The following SGF29 variants were observed in gnomAD, a reference collection of about 807,000 sequenced individuals.
The protein encoded by SGF29 is SAGA-associated factor 29.
SGF29 carries 15 observed loss-of-function variants against 38.1 expected under a neutral mutation model. That is an observed-to-expected ratio of 0.39 (90% CI 0.26 to 0.61). The LOEUF is 0.61. Ranked by LOEUF, SGF29 falls within the 20% of genes least tolerant of loss-of-function variation. The pLI is 0.49. For missense variants in SGF29, 184 were observed against 394.6 expected, an observed-to-expected ratio of 0.47 and a Z score of 4.52; for synonymous variants, 151 against 160.8, an observed-to-expected ratio of 0.94 and a Z score of 0.46.
intron 4 of SGF29, among the ~76,000 whole-genome samples, chr16:28,587,457 G>T (rs1388701731): frequency 6.6e-6 from 1 of 152,140 alleles, no homozygotes; most frequent in Non-Finnish European, 1.5e-5. Flanking sequence ...CTGGGGTCCC[G>T]GTGCTCACAG....
chr16:28,556,433 C>T (rs112517029), intron 1 of SGF29, among the ~76,000 whole-genome samples: 6,629 of 152,032 alleles, frequency 0.044, 235 homozygotes, highest in Non-Finnish European at 0.068. Context: ...CTGCAACCTC[C>T]GCCTTCCGGT....
chr16:28,586,333 G>T (rs2151653165), intron 4 of SGF29, among the ~76,000 whole-genome samples: 2 of 152,192 alleles, frequency 1.3e-5, no homozygotes, highest in Middle Eastern at 6.8e-3. Context: ...GAGGTTGGGG[G>T]TTTGAGACCA....
At chr16:28,570,295 T>C (rs1478702865) in intron 1 of SGF29, among the ~76,000 whole-genome samples, 1 of 152,238 alleles carries the variant, frequency 6.6e-6, no homozygotes, top group East Asian at 1.9e-4. Context: ...TGAAGAAGGT[T>C]GTTCAGAAAC....
chr16:28,564,553 A>ATATATATATGTATATATATATG (rs1567285611), intron 1 of SGF29, among the ~76,000 whole-genome samples: 3 of 108,730 alleles, frequency 2.8e-5, no homozygotes, highest in African/African-American at 3.8e-5. Flanking sequence ...ATATATACGT[A>ATATATATATGTATATATATATG]TATATATATA....
intron 1 of SGF29, among the ~76,000 whole-genome samples, chr16:28,569,793 G>C (rs1422694713): frequency 1.3e-5 from 2 of 152,208 alleles, no homozygotes; most frequent in Non-Finnish European, 2.9e-5. Context: ...GGCATGTGGG[G>C]GCTGTCACCC....
intron 1 of SGF29, among the ~76,000 whole-genome samples, chr16:28,578,543 A>G (rs1567290325): frequency 6.6e-6 from 1 of 152,156 alleles, no homozygotes; most frequent in Non-Finnish European, 1.5e-5. Flanking sequence ...ATACTTTTAA[A>G]TAGCAGCAGC....
At chr16:28,581,246 G>A (rs554243062) in intron 2 of SGF29, 102 bp downstream of exon 2, 1 of 1,023,206 alleles carries the variant, frequency 9.8e-7, no homozygotes, top group Middle Eastern at 2.0e-4. Flanking sequence ...GGACTCGCAG[G>A]AACCAAAATG....
At chr16:28,585,048 A>C in intron 3 of SGF29, 60 bp downstream of exon 3, 1 of 1,301,314 alleles carries the variant, frequency 7.7e-7, no homozygotes, top group African/African-American at 1.5e-5. Flanking sequence ...AGTATGGCCA[A>C]GACTGTGACC....
intron 1 of SGF29, 132 bp downstream of exon 1, chr16:28,554,229 C>A (rs899394151): frequency 2.5e-5 from 1 of 40,260 alleles, no homozygotes; most frequent in Non-Finnish European, 5.2e-5. Context: ...GCGCTCTGGG[C>A]GGGAGGGGGG....
intron 1 of SGF29, among the ~76,000 whole-genome samples, chr16:28,576,714 A>G (rs1374095499): frequency 6.6e-6 from 1 of 152,168 alleles, no homozygotes; most frequent in East Asian, 1.9e-4. Flanking sequence ...AAGAAAAACA[A>G]AGAAAACGTG....
chr16:28,561,345 C>A (rs1054326574), intron 1 of SGF29, among the ~76,000 whole-genome samples: 2 of 152,104 alleles, frequency 1.3e-5, no homozygotes, highest in African/African-American at 2.4e-5. Flanking sequence ...CCAGCCTGGC[C>A]AACATGGTTA....
At chr16:28,575,350 T>C (rs1216406315) in intron 1 of SGF29, among the ~76,000 whole-genome samples, 1 of 152,186 alleles carries the variant, frequency 6.6e-6, no homozygotes, top group East Asian at 1.9e-4. Flanking sequence ...AAATTGGTCT[T>C]CATAAAAATT....
At chr16:28,582,015 C>T (rs984961628) in intron 2 of SGF29, among the ~76,000 whole-genome samples, 12 of 152,014 alleles carry the variant, frequency 7.9e-5, no homozygotes, top group Non-Finnish European at 1.6e-4. Context: ...TGCAGGCTAT[C>T]GGGCATGCTC....
intron 4 of SGF29, among the ~76,000 whole-genome samples, chr16:28,586,206 T>A (rs958813067): frequency 2.6e-5 from 4 of 152,008 alleles, no homozygotes; most frequent in African/African-American, 9.7e-5. Context: ...ACCTGAAGGT[T>A]TTATGGTTCT....
At chr16:28,588,286 G>A (rs1387629497) in intron 4 of SGF29, among the ~76,000 whole-genome samples, 2 of 152,164 alleles carry the variant, frequency 1.3e-5, no homozygotes, top group Non-Finnish European at 2.9e-5. Context: ...TTTGGGTTCA[G>A]CCTTTCAGAA....
At chr16:28,554,663 T>G (rs1448920168) in intron 1 of SGF29, among the ~76,000 whole-genome samples, 1 of 152,080 alleles carries the variant, frequency 6.6e-6, no homozygotes, top group East Asian at 1.9e-4. Flanking sequence ...CTCGCTATCC[T>G]CCAGTTACCT....
chr16:28,581,630 G>T (rs1394861752), intron 2 of SGF29, among the ~76,000 whole-genome samples: 1 of 152,038 alleles, frequency 6.6e-6, no homozygotes, highest in African/African-American at 2.4e-5. Flanking sequence ...CTGCCTCCTG[G>T]GTTCAAGCGA....
At chr16:28,564,364 T>C (rs2151642864) in intron 1 of SGF29, among the ~76,000 whole-genome samples, 1 of 151,172 alleles carries the variant, frequency 6.6e-6, no homozygotes, top group East Asian at 2.0e-4. Flanking sequence ...TAGGGAGTGC[T>C]TAGAGAATGA....
intron 2 of SGF29, among the ~76,000 whole-genome samples, chr16:28,582,383 G>GA (rs1345271479): frequency 6.6e-6 from 1 of 151,944 alleles, no homozygotes; most frequent in Non-Finnish European, 1.5e-5. Flanking sequence ...CCATGATGGG[G>GA]GGCACGCAAC....
Sources: gnomAD v4.1 joint callset for allele counts (sites outside exome capture counted in the v4.1 genomes callset) on GRCh38, gnomAD v4.1.1 for gene constraint, MANE v1.5 for transcripts, NCBI Gene and HGNC (gene_info 2026-07-23, HGNC 2026-07-21) for gene names.